Variants in FH observed in about 807,000 individuals in gnomAD.
FH encodes the protein fumarate hydratase, mitochondrial.
A neutral mutation model predicts 49.4 loss-of-function variants in FH; 22 were observed. That is an observed-to-expected ratio of 0.45 (90% confidence interval 0.32 to 0.64). The LOEUF (loss-of-function observed/expected upper bound fraction) is 0.64. Among genes scored for constraint, FH ranks in the 30% least tolerant of loss-of-function variants. The pLI, the probability that FH is intolerant of heterozygous loss-of-function variation, is 0.05. For missense variants in FH, 526 were observed against 641.5 expected, an observed-to-expected ratio of 0.82 and a Z score of 1.95; for synonymous variants, 208 against 223.0, an observed-to-expected ratio of 0.93 and a Z score of 0.60.
At chr1:241,515,711 C>T (rs1660195065) in intron 2 of FH, among the ~76,000 whole-genome samples, 2 of 152,220 alleles carry the variant, frequency 1.3e-5, no homozygotes, top group South Asian at 4.1e-4. Flanking sequence ...CTAGCCTATC[C>T]TGCATTGACT....
intron 4 of FH, 117 bp downstream of exon 4, chr1:241,511,850 C>T (rs952029981): frequency 7.2e-6 from 7 of 965,992 alleles, no homozygotes; most frequent in Non-Finnish European, 1.2e-5. Flanking sequence ...CCATAAGAAG[C>T]CTTATCCATT....
At chr1:241,506,190 G>A (rs1659926725) in intron 5 of FH, 22 bp from the exon 6 acceptor site, 1 of 1,578,682 alleles carries the variant, frequency 6.3e-7, no homozygotes. Context: ...AGAAAATTAA[G>A]GTAAGAATAA....
In FH at chr1:241,500,401, C is replaced by T. The variant is rs200274147; in HGVS notation, c.1390+36G>A. 121 of 1,601,116 alleles carry T rather than the reference C, an allele frequency of 7.6e-5. No individual in the cohort carries two copies. The highest frequency in any genetic ancestry group is 5.0e-4 in the Middle Eastern group (3 of 6,042). On this transcript the variant is annotated intron_variant, in intron 9 of 9. Coordinates refer to ENST00000366560, the MANE Select transcript of FH (RefSeq NM_000143.4). ...AAAATGGTTTAGCTTTTTAATTTTG[C>T]ATTCAAAATGATATTATTATTCCTT...
intron 2 of FH, among the ~76,000 whole-genome samples, chr1:241,514,065 A>C (rs1473442317): frequency 6.6e-6 from 1 of 152,200 alleles, no homozygotes; most frequent in Admixed American, 6.5e-5. Context: ...TATACTATAA[A>C]TAAAAACAAA....
intron 3 of FH, among the ~76,000 whole-genome samples, chr1:241,513,043 C>T (rs1300487344): frequency 6.6e-6 from 1 of 152,024 alleles, no homozygotes; most frequent in African/African-American, 2.4e-5. Flanking sequence ...ATAGGCTAGG[C>T]TTTGTGCATG....
chr1:241,502,353 A>G (rs1053612119), intron 8 of FH, 90 bp downstream of exon 8: 9 of 1,470,342 alleles, frequency 6.1e-6, no homozygotes, highest in Admixed American at 1.7e-5. Context: ...CAACTACCCA[A>G]TGTGGAATCA....
intron 5 of FH, 31 bp from the exon 6 acceptor site, chr1:241,506,199 A>T (rs201115215): frequency 6.6e-5 from 101 of 1,532,810 alleles, no homozygotes; most frequent in Non-Finnish European, 8.9e-5. Flanking sequence ...AGGTAAGAAT[A>T]AGTAATTCCT....
At chr1:241,501,778 T>A (rs1387765179) in intron 8 of FH, among the ~76,000 whole-genome samples, 6 of 152,198 alleles carry the variant, frequency 3.9e-5, no homozygotes, top group African/African-American at 1.4e-4. Context: ...AGCTCCACTA[T>A]CTGCAGCTGA....
chr1:241,507,083 G>C (rs1294598387), intron 5 of FH, among the ~76,000 whole-genome samples: 1 of 152,080 alleles, frequency 6.6e-6, no homozygotes, highest in African/African-American at 2.4e-5. Context: ...ATACAGTCAC[G>C]CACCACATAA....
intron 3 of FH, among the ~76,000 whole-genome samples, chr1:241,512,896 T>G (rs990117860): frequency 4.0e-5 from 6 of 149,910 alleles, no homozygotes; most frequent in African/African-American, 1.5e-4. Flanking sequence ...CCAGTCTCTA[T>G]CTCATGCAAT....
chr1:241,519,730 A>T lies in FH; in HGVS notation c.-8T>A, dbSNP rs1394186799. ...CCGAAGTGCTCGGTACATGGTGCTG[A>T]GGGAGCTTGGGTAGAATTTCTGGGC... is the stretch of plus-strand genomic sequence containing the variant. On this transcript the variant is annotated 5_prime_UTR_variant, in exon 1 of 10. Coordinates refer to ENST00000366560, the MANE Select transcript of FH (RefSeq NM_000143.4). The T allele has an allele frequency of 3.3e-6, 5 of 1,532,262 alleles. No individual in the cohort carries two copies. Among genetic ancestry groups the T allele is most frequent in the Non-Finnish European group, 4.4e-6 (5 of 1,135,882 alleles). The allele number at this position is 1,532,262 out of a possible 1,614,324, so 94.9% of individuals were successfully genotyped here.
intron 7 of FH, among the ~76,000 whole-genome samples, chr1:241,502,981 G>A (rs368369658): frequency 4.6e-5 from 7 of 152,236 alleles, no homozygotes; most frequent in South Asian, 2.1e-4. Context: ...TTATAAAAGC[G>A]ACCCTTCACT....
intron 3 of FH, among the ~76,000 whole-genome samples, chr1:241,512,470 T>C (rs997269645): frequency 6.6e-6 from 1 of 152,214 alleles, no homozygotes; most frequent in Non-Finnish European, 1.5e-5. Context: ...ACAGATGTTA[T>C]TGCCAGAGTC....
rs587782216 is a variant in FH, at chr1:241,504,150, T to C, written c.1000A>G (p.Ser334Gly). 1 of 1,614,200 alleles carries C rather than the reference T, an allele frequency of 6.2e-7. No homozygotes were observed. The highest frequency in any genetic ancestry group is 8.5e-7 in the Non-Finnish European group (1 of 1,179,996). The change falls in exon 7 of 10, where the codon AGT becomes GGT. Residue 334 changes from serine to glycine, a missense_variant. Coordinates refer to ENST00000366560, the MANE Select transcript of FH (RefSeq NM_000143.4). ...LSGAMNTTAC[S>G]LMKIANDIRF... Reference sequence around the variant, plus strand: ...ATATCATTTGCTATCTTCATCAGACTGCAGGCAGTAGTGTTCATGGCTCCA... The same window carrying C: ...ATATCATTTGCTATCTTCATCAGACCGCAGGCAGTAGTGTTCATGGCTCCA...
intron 7 of FH, among the ~76,000 whole-genome samples, chr1:241,502,888 C>G (rs1256498446): frequency 6.6e-6 from 1 of 152,178 alleles, no homozygotes; most frequent in South Asian, 2.1e-4. Flanking sequence ...AGGCCCTGCC[C>G]TCGCAGAACT....
chr1:241,503,691 G>A (rs540360938), intron 7 of FH, among the ~76,000 whole-genome samples: 3 of 152,218 alleles, frequency 2.0e-5, no homozygotes, highest in Admixed American at 2.0e-4. Context: ...GACATACACT[G>A]TTGTGTCACT....
chr1:241,515,048 G>A (rs1033258773), intron 2 of FH, among the ~76,000 whole-genome samples: 1 of 152,126 alleles, frequency 6.6e-6, no homozygotes, highest in African/African-American at 2.4e-5. Context: ...ATGGCAAAAT[G>A]TATCACTAGA....
At chr1:241,498,673 C>A (rs1659683984) in intron 9 of FH, among the ~76,000 whole-genome samples, 1 of 121,218 alleles carries the variant, frequency 8.2e-6, no homozygotes, top group Admixed American at 9.7e-5. Flanking sequence ...GGGGGCAGGG[C>A]AGTTCTGCAA....
At chr1:241,508,413 T>C (rs1285201156) in intron 5 of FH, among the ~76,000 whole-genome samples, 190 bp downstream of exon 5, 5 of 152,206 alleles carry the variant, frequency 3.3e-5, no homozygotes, top group Admixed American at 2.0e-4. Flanking sequence ...ATCTGACTTA[T>C]AGCCAGTATA....
Sources: gnomAD v4.1 joint callset for allele counts (sites outside exome capture counted in the v4.1 genomes callset) on GRCh38, gnomAD v4.1.1 for gene constraint, MANE v1.5 for transcripts, NCBI Gene and HGNC (gene_info 2026-07-23, HGNC 2026-07-21) for gene names.